UBE3C: variants seen among roughly 807,000 people sequenced by gnomAD.
UBE3C encodes the protein ubiquitin-protein ligase E3C.
A neutral mutation model predicts 129.4 loss-of-function variants in UBE3C; 42 were observed. That is an observed-to-expected ratio of 0.32 (90% CI 0.25 to 0.42). UBE3C has a LOEUF of 0.42. Among genes scored for constraint, UBE3C ranks in the 10% least tolerant of loss-of-function variants. The probability of loss-of-function intolerance (pLI) is 1.00; values close to 1 mark genes in which losing one functional copy is unlikely to be tolerated. For synonymous variants in UBE3C, 510 were observed against 492.4 expected, an observed-to-expected ratio of 1.04 and a Z score of -0.47; for missense variants, 1,049 against 1,319.1, an observed-to-expected ratio of 0.80 and a Z score of 3.17.
At chr7:157,214,699 T>TACCTGAATGTAGTGGACTAC (rs1294645610) in intron 13 of UBE3C, among the ~76,000 whole-genome samples, 6 of 152,250 alleles carry the variant, frequency 3.9e-5, no homozygotes, top group Non-Finnish European at 8.8e-5. Flanking sequence ...GGGTGTGTGC[T>TACCTGAATGTAGTGGACTAC]CTGTGTGGAC....
chr7:157,174,420 G>A (rs1808460167), intron 4 of UBE3C, among the ~76,000 whole-genome samples: 1 of 152,084 alleles, frequency 6.6e-6, no homozygotes, highest in African/African-American at 2.4e-5. Flanking sequence ...ATTTAATACT[G>A]ATGTGTTATT....
At chr7:157,209,605 TG>T (rs763389092) in intron 13 of UBE3C, among the ~76,000 whole-genome samples, 3 of 152,206 alleles carry the variant, frequency 2.0e-5, no homozygotes, top group Non-Finnish European at 4.4e-5. Flanking sequence ...GATTAAACCC[TG>T]GGGTCTTTGT....
intron 13 of UBE3C, among the ~76,000 whole-genome samples, chr7:157,216,439 A>C (rs997710547): frequency 6.6e-6 from 1 of 151,328 alleles, no homozygotes; most frequent in South Asian, 2.1e-4. Context: ...TGTTGTACGC[A>C]TCCTTAGATC....
rs76222662 is a variant in UBE3C, at chr7:157,173,388, G to A, written c.343-1531G>A. On this transcript the variant is annotated intron_variant, in intron 4 of 22. Transcript: ENST00000348165. ...GTTGATTCAGTTCTCAAGCATAGAT[G>A]CGATAGCAATAAATTAATCTTAACG... 3.4e-3 allele frequency among the ~76,000 whole-genome samples: 522 copies of A among 152,274 alleles called. 15 individuals are homozygous for A. In the South Asian group the frequency reaches 0.046, roughly 13 times the overall value.
At chr7:157,263,518 G>C (rs1037637835) in intron 22 of UBE3C, among the ~76,000 whole-genome samples, 7 of 152,096 alleles carry the variant, frequency 4.6e-5, no homozygotes, top group African/African-American at 1.4e-4. Context: ...ACAAAAATTA[G>C]CTAGGTGTGA....
chr7:157,206,079 A>G (rs1199388381), intron 11 of UBE3C, among the ~76,000 whole-genome samples: 1 of 152,180 alleles, frequency 6.6e-6, no homozygotes, highest in Non-Finnish European at 1.5e-5. Flanking sequence ...GATCTTGCTC[A>G]CAGTGTCTGT....
At chr7:157,202,806 T>G (rs1410897491) in intron 11 of UBE3C, among the ~76,000 whole-genome samples, 1 of 152,246 alleles carries the variant, frequency 6.6e-6, no homozygotes, top group Non-Finnish European at 1.5e-5. Context: ...TCACTGTTAC[T>G]GACTCCATGC....
chr7:157,253,476 A>G (rs1796669759), intron 19 of UBE3C, among the ~76,000 whole-genome samples: 1 of 151,726 alleles, frequency 6.6e-6, no homozygotes, highest in African/African-American at 2.4e-5. Flanking sequence ...TATCGTAATT[A>G]AAGTGCTTTA....
chr7:157,247,024 G>A (rs538995473), intron 18 of UBE3C, among the ~76,000 whole-genome samples: 1 of 152,114 alleles, frequency 6.6e-6, no homozygotes, highest in Non-Finnish European at 1.5e-5. Flanking sequence ...CCAAGTAGCT[G>A]GGATTATAGG....
At chr7:157,175,840 A>G (rs991119800) in intron 5 of UBE3C, among the ~76,000 whole-genome samples, 6 of 152,214 alleles carry the variant, frequency 3.9e-5, no homozygotes, top group Admixed American at 2.6e-4. Context: ...AACACATTGT[A>G]TACATTCTTT....
chr7:157,223,219 A>T (rs774884641), intron 15 of UBE3C, 35 bp from the exon 16 acceptor site: 13 of 1,600,378 alleles, frequency 8.1e-6, no homozygotes, highest in Non-Finnish European at 1.1e-5. Context: ...GGGAAAGTAC[A>T]AGTGAACTAA....
chr7:157,228,057 T>C (rs1795926211), intron 17 of UBE3C, among the ~76,000 whole-genome samples: 3 of 152,374 alleles, frequency 2.0e-5, no homozygotes, highest in Admixed American at 2.0e-4. Context: ...AGGTGCATTT[T>C]TGACTAAAAA....
intron 5 of UBE3C, 85 bp downstream of exon 5, chr7:157,175,119 G>C: frequency 8.3e-6 from 5 of 604,442 alleles, no homozygotes; most frequent in Non-Finnish European, 1.2e-5. Flanking sequence ...TATTTTCAGA[G>C]ACAGTGGCTT....
At chr7:157,204,799 G>C (rs1182227957) in intron 11 of UBE3C, among the ~76,000 whole-genome samples, 2 of 152,196 alleles carry the variant, frequency 1.3e-5, no homozygotes, top group Non-Finnish European at 2.9e-5. Flanking sequence ...GGCAGTAGGT[G>C]CTGGTGTTGG....
At position 157,152,185 on chromosome 7, in the gene UBE3C, GAGGAAGGTAGTCAGGGACAGAGCTGGGA is replaced by G. The variant is rs530587142; in HGVS notation, c.67-11624_67-11597del. On this transcript the variant is annotated intron_variant, in intron 1 of 22. Coordinates refer to ENST00000348165, the MANE Select transcript of UBE3C (RefSeq NM_014671.3). ...TAGGGAAAGTGGAAGAGAAGGCTGG[GAGGAAGGTAGTCAGGGACAGAGCTGGGA>G]GGAAGGTAGTCAGGGAGAGAGCTGG... 2.6e-3 allele frequency among the ~76,000 whole-genome samples: 395 copies of G among 150,118 alleles called. 3 individuals are homozygous for G. The highest frequency in any genetic ancestry group is 9.7e-3 in the African/African-American group (386 of 39,788).
chr7:157,182,093 GTTTTTC>G lies in UBE3C; in HGVS notation c.771-8_771-3del, dbSNP rs768409567. On this transcript the variant is annotated splice_polypyrimidine_tract_variant and intron_variant, in intron 7 of 22. Coordinates refer to ENST00000348165, the MANE Select transcript of UBE3C (RefSeq NM_014671.3). ...TAATTTGATTTTATAAAAAGCTTCT[GTTTTTC>G]TTTTTCAGGCAACAAGTTTTTACAG... is the stretch of plus-strand genomic sequence containing the variant. The G allele has an allele frequency of 3.2e-6, 5 of 1,544,916 alleles. No individual in the cohort carries two copies. The South Asian group carries it at 6.3e-5, about 20-fold the overall frequency.
At chr7:157,221,780 AT>A (rs2116614379) in intron 15 of UBE3C, 1 of 152,142 alleles carries the variant, frequency 6.6e-6, no homozygotes, top group African/African-American at 2.4e-5. Context: ...GGGAAATGGT[AT>A]CTTCTTGTGG....
chr7:157,225,805 T>C (rs967046378), intron 17 of UBE3C, among the ~76,000 whole-genome samples: 2 of 152,010 alleles, frequency 1.3e-5, no homozygotes, highest in African/African-American at 4.8e-5. Flanking sequence ...AGTGAGCTTA[T>C]CTGGATGTGT....
chr7:157,142,347 T>C (rs1036743488), intron 1 of UBE3C, among the ~76,000 whole-genome samples: 6 of 151,392 alleles, frequency 4.0e-5, no homozygotes, highest in African/African-American at 1.2e-4. Flanking sequence ...TAGTATTTAT[T>C]ATTTGTATAG....
Sources: gnomAD v4.1 joint callset for allele counts (sites outside exome capture counted in the v4.1 genomes callset) on GRCh38, gnomAD v4.1.1 for gene constraint, MANE v1.5 for transcripts, NCBI Gene and HGNC (gene_info 2026-07-23, HGNC 2026-07-21) for gene names.